The following CDKAL1 variants were observed in gnomAD, a reference collection of about 807,000 sequenced individuals.
The protein encoded by CDKAL1 is CDKAL1 threonylcarbamoyladenosine tRNA methylthiotransferase, also known as threonylcarbamoyladenosine tRNA methylthiotransferase.
In CDKAL1, 32 loss-of-function variants were observed where a neutral mutation model predicts 68.2. The observed-to-expected ratio is 0.47, with a 90% CI of 0.35 to 0.63. CDKAL1 has a LOEUF of 0.63. Among genes scored for constraint, CDKAL1 ranks in the 30% least tolerant of loss-of-function variants. The probability of loss-of-function intolerance (pLI) is 0.00; values close to 1 mark genes in which losing one functional copy is unlikely to be tolerated. For missense variants in CDKAL1, 606 were observed against 696.7 expected (o/e 0.87, Z 1.47); for synonymous variants, 234 against 244.3 (o/e 0.96, Z 0.39).
At chr6:21,148,553 T>C (rs1776278462) in intron 13 of CDKAL1, among the ~76,000 whole-genome samples, 1 of 152,196 alleles carries the variant, frequency 6.6e-6, no homozygotes, top group African/African-American at 2.4e-5. Context: ...ATCACAGTGT[T>C]GTAGTTGAGA....
chr6:20,972,930 A>AT (rs757674779), intron 10 of CDKAL1, among the ~76,000 whole-genome samples: 1 of 152,126 alleles, frequency 6.6e-6, no homozygotes, highest in Non-Finnish European at 1.5e-5. Context: ...ATTAGATAAC[A>AT]TATCACTAGT....
At chr6:20,992,195 T>C (rs1405599043) in intron 10 of CDKAL1, among the ~76,000 whole-genome samples, 1 of 139,522 alleles carries the variant, frequency 7.2e-6, no homozygotes, top group Non-Finnish European at 1.5e-5. Flanking sequence ...AGTCAGCTTT[T>C]TTATATATAT....
chr6:21,140,813 C>T (rs1236198180), intron 13 of CDKAL1, among the ~76,000 whole-genome samples: 1 of 152,144 alleles, frequency 6.6e-6, no homozygotes, highest in Non-Finnish European at 1.5e-5. Context: ...TAAAGACATA[C>T]CCGAGACTGG....
chr6:21,132,529 T>A (rs992976079), intron 13 of CDKAL1, among the ~76,000 whole-genome samples: 2 of 151,428 alleles, frequency 1.3e-5, no homozygotes, highest in East Asian at 1.9e-4. Flanking sequence ...TCCTTTTTTT[T>A]ATTATTGCTT....
intron 13 of CDKAL1, among the ~76,000 whole-genome samples, chr6:21,168,812 T>C (rs556617154): frequency 6.6e-6 from 1 of 152,358 alleles, no homozygotes; most frequent in Admixed American, 6.5e-5. Context: ...TTTTTCTGTA[T>C]TTTTGTCTTG....
At position 21,209,116 on chromosome 6, in the gene CDKAL1, G is replaced by C. The variant is rs568157359; in HGVS notation, c.1548+7842G>C. On this transcript the variant is annotated intron_variant, in intron 15 of 15. Coordinates refer to ENST00000274695, the MANE Select transcript of CDKAL1 (RefSeq NM_017774.3). Reference sequence around the variant, plus strand: ...TTTAGTGAACCACTACTATGTGCTTGGTATTGAGGCTCTTTACTCGTATTA... The same window carrying C: ...TTTAGTGAACCACTACTATGTGCTTCGTATTGAGGCTCTTTACTCGTATTA... 2.0e-4 allele frequency among the ~76,000 whole-genome samples: 31 copies of C among 152,262 alleles called. No homozygotes were observed. In the Middle Eastern group the frequency reaches 0.01, roughly 50 times the overall value.
chr6:20,658,412 T>C (rs1372268369), intron 5 of CDKAL1, among the ~76,000 whole-genome samples: 2 of 152,156 alleles, frequency 1.3e-5, no homozygotes, highest in Non-Finnish European at 2.9e-5. Context: ...CAATTGAAAA[T>C]AAAGGCAGAA....
intron 5 of CDKAL1, among the ~76,000 whole-genome samples, chr6:20,723,902 C>T (rs1581450067): frequency 6.6e-6 from 1 of 152,212 alleles, no homozygotes; most frequent in African/African-American, 2.4e-5. Context: ...CTTATCTTTC[C>T]CAGGACTCAA....
chr6:20,758,209 G>A (rs1774309382), intron 6 of CDKAL1, among the ~76,000 whole-genome samples: 1 of 152,090 alleles, frequency 6.6e-6, no homozygotes, highest in African/African-American at 2.4e-5. Context: ...ATACTAGCAT[G>A]TTCTTTTTGT....
At chr6:20,714,495 C>G (rs1264489832) in intron 5 of CDKAL1, among the ~76,000 whole-genome samples, 1 of 144,904 alleles carries the variant, frequency 6.9e-6, no homozygotes, top group African/African-American at 2.5e-5. Context: ...CTCAAGTGAT[C>G]CTCCCACTTC....
At position 20,839,106 on chromosome 6, in the gene CDKAL1, CT is replaced by C. The variant is rs79544199; in HGVS notation, c.639-6960del. Among the ~76,000 whole-genome samples, 1,260 of 151,142 alleles carry C rather than the reference CT, an allele frequency of 8.3e-3. 6 individuals are homozygous for C. The highest frequency in any genetic ancestry group is 0.027 in the Middle Eastern group (8 of 292). On this transcript the variant is annotated intron_variant, in intron 8 of 15. Coordinates refer to ENST00000274695, the MANE Select transcript of CDKAL1 (RefSeq NM_017774.3). ...TCAGTTAAAAGAGGCCATTTTCTTG[CT>C]TTTTTTTTCCCCCTGTACATCTTTA...
chr6:20,566,542 A>G (rs1046962221), intron 4 of CDKAL1, among the ~76,000 whole-genome samples: 23 of 152,222 alleles, frequency 1.5e-4, no homozygotes, highest in Admixed American at 1.4e-3. Context: ...TGAAAATAGT[A>G]AGCACTCTAA....
At chr6:21,055,080 T>A (rs1770754917) in intron 11 of CDKAL1, among the ~76,000 whole-genome samples, 1 of 152,194 alleles carries the variant, frequency 6.6e-6, no homozygotes, top group South Asian at 2.1e-4. Context: ...GGTGTTTGAT[T>A]TGTCAAAAGT....
At chr6:20,756,793 G>A (rs1774190929) in intron 6 of CDKAL1, 2 of 138,674 alleles carry the variant, frequency 1.4e-5, no homozygotes, top group South Asian at 4.5e-4. Flanking sequence ...ATATTTTTAA[G>A]AGAATTACCA....
At chr6:20,878,856 A>G (rs777616251) in intron 9 of CDKAL1, among the ~76,000 whole-genome samples, 35 of 151,940 alleles carry the variant, frequency 2.3e-4, no homozygotes, top group Admixed American at 1.1e-3. Flanking sequence ...ACGTGGGCGG[A>G]TCACCTGAGG....
chr6:21,123,002 A>C (rs1341209257), intron 13 of CDKAL1, among the ~76,000 whole-genome samples: 1 of 152,048 alleles, frequency 6.6e-6, no homozygotes, highest in East Asian at 1.9e-4. Context: ...TTTTATGTAC[A>C]TTTGTATGTG....
At chr6:20,617,566 C>G (rs1483787041) in intron 4 of CDKAL1, among the ~76,000 whole-genome samples, 4 of 152,164 alleles carry the variant, frequency 2.6e-5, no homozygotes, top group Admixed American at 6.5e-5. Flanking sequence ...ATCCCTCCCC[C>G]TGTCCTCCAC....
intron 9 of CDKAL1, among the ~76,000 whole-genome samples, chr6:20,926,891 A>ATG (rs1468106707): frequency 1.4e-5 from 2 of 147,978 alleles, no homozygotes; most frequent in African/African-American, 4.9e-5. Flanking sequence ...ATATATTTAT[A>ATG]TATATATGTT....
intron 8 of CDKAL1, among the ~76,000 whole-genome samples, chr6:20,805,009 A>AGT (rs1347835916): frequency 4.6e-5 from 7 of 152,102 alleles, no homozygotes; most frequent in African/African-American, 1.7e-4. Flanking sequence ...TGGGTGAGAG[A>AGT]GTGAGACCCT....
Sources: gnomAD v4.1 joint callset for allele counts (sites outside exome capture counted in the v4.1 genomes callset) on GRCh38, gnomAD v4.1.1 for gene constraint, MANE v1.5 for transcripts, NCBI Gene and HGNC (gene_info 2026-07-23, HGNC 2026-07-21) for gene names.